NKTR: variants seen among roughly 807,000 people sequenced by gnomAD.
NKTR encodes the protein natural killer cell triggering receptor.
A neutral mutation model predicts 156.3 loss-of-function variants in NKTR; 67 were observed. That is an observed-to-expected ratio of 0.43 (90% CI 0.35 to 0.53). NKTR has a LOEUF of 0.53. NKTR is among the 20% of genes least tolerant of loss of function. NKTR has a pLI of 0.01. For missense variants in NKTR, 1,604 were observed against 1,730.9 expected, an observed-to-expected ratio of 0.93 and a Z score of 1.30; for synonymous variants, 640 against 596.6, an observed-to-expected ratio of 1.07 and a Z score of -1.06.
At position 42,639,647 on chromosome 3, in the gene NKTR, A is replaced by G. The variant is rs750859411; in HGVS notation, c.3943A>G (p.Ser1315Gly). 2.5e-5 allele frequency: 40 copies of G among 1,613,986 alleles called. 1 individual carries two copies. Among genetic ancestry groups the G allele is most frequent in the South Asian group, 3.3e-5 (3 of 91,086 alleles). The change falls in exon 13 of 17, where the codon AGT becomes GGT. Residue 1315 changes from serine (S) to glycine (G), a missense_variant. Ser to Gly is a moderately conservative substitution (Grantham distance 56). This residue lies in a region of NKTR where 193 missense variants were observed against 220.2 expected (regional missense o/e 0.88). Coordinates refer to ENST00000232978, the MANE Select transcript of NKTR (RefSeq NM_005385.4). The stretch of plus-strand genomic sequence containing the variant: ...TGATGATAGCCAGTCCAGGAGTCCA[A>G]GTAGATCTCGAAGTAAATCTGAAAC... ...RDDDSQSRSP[S>G]RSRSKSETKS...
chr3:42,601,197 TGA>T (rs1705405008), intron 2 of NKTR, 133 bp downstream of exon 2: 1 of 662,270 alleles, frequency 1.5e-6, no homozygotes, highest in Admixed American at 3.4e-5. Context: ...CGTTTTCTCT[TGA>T]GAGAAAATCA....
chr3:42,636,165 A>T (rs1172682277), intron 12 of NKTR, among the ~76,000 whole-genome samples: 4 of 152,154 alleles, frequency 2.6e-5, no homozygotes, highest in African/African-American at 9.7e-5. Flanking sequence ...GACCCTGTGT[A>T]ATCTTCCATG....
intron 10 of NKTR, 67 bp downstream of exon 10, chr3:42,633,802 T>G (rs1441636078): frequency 3.8e-6 from 6 of 1,558,484 alleles, no homozygotes; most frequent in Non-Finnish European, 3.5e-6. Flanking sequence ...GCTCATTGCA[T>G]TCCACACTCA....
At chr3:42,625,791 T>G (rs778944795) in intron 6 of NKTR, among the ~76,000 whole-genome samples, 1 of 152,206 alleles carries the variant, frequency 6.6e-6, no homozygotes, top group Non-Finnish European at 1.5e-5. Flanking sequence ...ATAAACCATA[T>G]TCTCTGAATA....
At chr3:42,619,155 A>T in intron 4 of NKTR, 28 bp downstream of exon 4, 1 of 1,586,960 alleles carries the variant, frequency 6.3e-7, no homozygotes, top group Non-Finnish European at 8.5e-7. Flanking sequence ...GTTCCTAATA[A>T]CTCCATCTAT....
Position 42,620,920 on chromosome 3 carries a change from T to C in NKTR, c.287-509T>C, listed in dbSNP as rs796097635. On this transcript the variant is annotated intron_variant, in intron 5 of 16. Transcript: ENST00000232978. Reference sequence around the variant, plus strand: ...CAATTGAGTATACACATACTTAATTTAGATATGTTCCTGTAACTTAATATA... The same window carrying C: ...CAATTGAGTATACACATACTTAATTCAGATATGTTCCTGTAACTTAATATA... The C allele has an allele frequency of 6.6e-6, 6 of 907,526 alleles. No individual in the cohort carries two copies. In the African/African-American group the frequency reaches 1.1e-4, roughly 16 times the overall value. The allele number at this position is 907,526 out of a possible 1,614,324, so 56.2% of individuals were successfully genotyped here.
chr3:42,625,785 A>T (rs960285504), intron 6 of NKTR, among the ~76,000 whole-genome samples: 3 of 152,190 alleles, frequency 2.0e-5, no homozygotes, highest in Non-Finnish European at 4.4e-5. Flanking sequence ...TTAGCCATAA[A>T]CCATATTCTC....
At position 42,638,508 on chromosome 3, in the gene NKTR, C is replaced by G; in HGVS notation, c.2804C>G (p.Ser935Trp). 6.2e-7 allele frequency: 1 copy of G among 1,611,440 alleles called. No individual in the cohort carries two copies. Among genetic ancestry groups the G allele is most frequent in the Non-Finnish European group, 8.5e-7 (1 of 1,179,248 alleles). The change falls in exon 13 of 17, where the codon TCG becomes TGG. Residue 935 changes from serine to tryptophan, a missense_variant. Ser to Trp is a radical substitution (Grantham distance 177). Coordinates refer to ENST00000232978, the MANE Select transcript of NKTR (RefSeq NM_005385.4). Reference sequence around the variant, plus strand: ...ATCAAAGTCAAACCCACAACCAAGTCGTCCACAAATACTTCACTGCCTGAT... The same window carrying G: ...ATCAAAGTCAAACCCACAACCAAGTGGTCCACAAATACTTCACTGCCTGAT... ...IHIKVKPTTK[S>W]STNTSLPDDN...
At chr3:42,628,407 C>T (rs1436413557) in intron 6 of NKTR, 3 of 984,908 alleles carry the variant, frequency 3.0e-6, no homozygotes, top group Non-Finnish European at 3.6e-6. Context: ...AATTGAGTCT[C>T]AAGTAGTATG....
chr3:42,610,405 G>A lies in NKTR; in HGVS notation c.59-7165G>A, dbSNP rs541695564. ...TCACTGGAATTAATGCTACAGGAGT[G>A]TTTCACCATTAACGATAATGCTGAT... On this transcript the variant is annotated intron_variant, in intron 2 of 16. Coordinates refer to ENST00000232978, the MANE Select transcript of NKTR (RefSeq NM_005385.4). Among the ~76,000 whole-genome samples, 4 of 152,204 alleles carry A rather than the reference G, an allele frequency of 2.6e-5. No individual in the cohort carries two copies. The East Asian group carries it at 7.7e-4, about 29-fold the overall frequency.
intron 16 of NKTR, among the ~76,000 whole-genome samples, chr3:42,644,349 A>AT (rs138060747): frequency 3.3e-5 from 5 of 151,964 alleles, no homozygotes; most frequent in South Asian, 2.1e-4. Flanking sequence ...CCAGTTTCTC[A>AT]TTTTTTTTAA....
At chr3:42,613,887 A>G (rs930519528) in intron 2 of NKTR, among the ~76,000 whole-genome samples, 4 of 152,220 alleles carry the variant, frequency 2.6e-5, no homozygotes, top group African/African-American at 4.8e-5. Flanking sequence ...GTCCTTAGCC[A>G]TGTATAAAAG....
Position 42,648,573 on chromosome 3 carries a change from G to A in NKTR, c.*2598G>A, listed in dbSNP as rs1710493309. On this transcript the variant is annotated 3_prime_UTR_variant, in exon 17 of 17. Coordinates refer to ENST00000232978, the MANE Select transcript of NKTR (RefSeq NM_005385.4). ...TTAATAGGAAATGCATTATTGGACT[G>A]TTTTTGTAACATCCTGTTTATTGCA... 1.3e-5 allele frequency: 2 copies of A among 152,634 alleles called. No individual in the cohort carries two copies. The highest frequency in any genetic ancestry group is 4.1e-4 in the South Asian group (2 of 4,832). The allele number at this position is 152,634 out of a possible 1,614,324, so 9.5% of individuals were successfully genotyped here.
chr3:42,604,125 C>A (rs1210344695), intron 2 of NKTR, among the ~76,000 whole-genome samples: 2 of 152,090 alleles, frequency 1.3e-5, no homozygotes, highest in African/African-American at 4.8e-5. Context: ...CTTTTAATAT[C>A]TGTGGGGTCT....
Position 42,647,724 on chromosome 3 carries a change from G to A in NKTR, c.*1749G>A, listed in dbSNP as rs531111976. On this transcript the variant is annotated 3_prime_UTR_variant, in exon 17 of 17. Transcript: ENST00000232978. ...AGGAGAATATTACTACTAGTCAGCAGGAAAAAAATGCATTCAGAACCCAAG... is the reference window on the plus strand; with the variant it reads ...AGGAGAATATTACTACTAGTCAGCAAGAAAAAAATGCATTCAGAACCCAAG... The A allele has an allele frequency of 1.3e-5, 2 of 152,184 alleles. No individual in the cohort carries two copies. The highest frequency in any genetic ancestry group is 4.1e-4 in the South Asian group (2 of 4,828). The allele number at this position is 152,184 out of a possible 1,614,324, so 9.4% of individuals were successfully genotyped here.
In NKTR at chr3:42,620,198, A is replaced by G. The variant is rs1170640468; in HGVS notation, c.286+490A>G. The G allele has an allele frequency of 7.0e-6, 9 of 1,277,332 alleles. No individual in the cohort carries two copies. The East Asian group carries it at 1.5e-4, about 21-fold the overall frequency. 79.1% of individuals were successfully genotyped at this position (1,277,332 alleles called of 1,614,324 possible). ...TGTATTATTTCATACATGCTTCTGTATCTTTTTTCATTTCCCAATGGGTTA... is the reference window on the plus strand; with the variant it reads ...TGTATTATTTCATACATGCTTCTGTGTCTTTTTTCATTTCCCAATGGGTTA... On this transcript the variant is annotated intron_variant, in intron 5 of 16. Coordinates refer to ENST00000232978, the MANE Select transcript of NKTR (RefSeq NM_005385.4).
At chr3:42,643,134 A>G (rs921438133) in intron 14 of NKTR, among the ~76,000 whole-genome samples, 1 of 152,208 alleles carries the variant, frequency 6.6e-6, no homozygotes, top group African/African-American at 2.4e-5. Flanking sequence ...TGCATCTCAG[A>G]GAAGAACTGC....
intron 6 of NKTR, chr3:42,628,755 A>C (rs1463516536): frequency 1.1e-6 from 1 of 905,268 alleles, no homozygotes. Context: ...TAATCCCAGC[A>C]CTTTGAGAGG....
At chr3:42,620,782 G>C in intron 5 of NKTR, 1 of 984,886 alleles carries the variant, frequency 1.0e-6, no homozygotes, top group Middle Eastern at 5.2e-4. Flanking sequence ...AACTAATGCT[G>C]TAGGCCACTT....
Sources: gnomAD v4.1 joint callset for allele counts (sites outside exome capture counted in the v4.1 genomes callset) on GRCh38, gnomAD v4.1.1 for gene constraint, gnomAD v4.1.1 regional missense constraint, MANE v1.5 for transcripts, NCBI Gene and HGNC (gene_info 2026-07-23, HGNC 2026-07-21) for gene names.